The following VTI1A variants were observed in gnomAD, a reference collection of about 807,000 sequenced individuals.
VTI1A encodes the protein vesicle transport through interaction with t-SNAREs 1A, also known as vesicle transport through interaction with t-SNAREs homolog 1A.
In VTI1A, 22 loss-of-function variants were observed where a neutral mutation model predicts 34.9. That is an observed-to-expected ratio of 0.63 (90% CI 0.45 to 0.90). The LOEUF (loss-of-function observed/expected upper bound fraction) is 0.90. Ranked by LOEUF, VTI1A falls within the 40% of genes least tolerant of loss-of-function variation. The pLI, the probability that VTI1A is intolerant of heterozygous loss-of-function variation, is 0.00. For synonymous variants in VTI1A, 87 were observed against 97.3 expected, an observed-to-expected ratio of 0.89 and a Z score of 0.62; for missense variants, 268 against 275.6, an observed-to-expected ratio of 0.97 and a Z score of 0.20.
At chr10:112,560,294 A>G (rs1242075579) in intron 5 of VTI1A, among the ~76,000 whole-genome samples, 1 of 152,202 alleles carries the variant, frequency 6.6e-6, no homozygotes. Context: ...ACTTTCCAGA[A>G]ATACCTTTTT....
intron 5 of VTI1A, among the ~76,000 whole-genome samples, chr10:112,628,169 G>A (rs1339494095): frequency 6.6e-6 from 1 of 152,048 alleles, no homozygotes; most frequent in Non-Finnish European, 1.5e-5. Flanking sequence ...TTATTTCCTA[G>A]TGACTGCTTA....
At chr10:112,637,830 ATAAACT>A (rs1378448883) in intron 5 of VTI1A, among the ~76,000 whole-genome samples, 1 of 152,276 alleles carries the variant, frequency 6.6e-6, no homozygotes, top group East Asian at 1.9e-4. Flanking sequence ...TTCTAAATAA[ATAAACT>A]TAAATCAGAA....
At chr10:112,684,667 C>G (rs961647431) in intron 7 of VTI1A, among the ~76,000 whole-genome samples, 1 of 152,090 alleles carries the variant, frequency 6.6e-6, no homozygotes, top group African/African-American at 2.4e-5. Context: ...TCTCGAACTG[C>G]TGACCTCGTG....
At chr10:112,514,086 A>G (rs1200408307) in intron 3 of VTI1A, among the ~76,000 whole-genome samples, 3 of 152,026 alleles carry the variant, frequency 2.0e-5, no homozygotes, top group Admixed American at 6.6e-5. Context: ...AAGAATTGGC[A>G]TCAGTTCTTC....
intron 5 of VTI1A, among the ~76,000 whole-genome samples, chr10:112,577,701 T>C (rs1843762085): frequency 6.6e-6 from 1 of 152,254 alleles, no homozygotes; most frequent in African/African-American, 2.4e-5. Context: ...AGGAACATTA[T>C]CCTGGTAGTA....
intron 7 of VTI1A, among the ~76,000 whole-genome samples, chr10:112,806,280 CT>C (rs922321163): frequency 2.6e-5 from 4 of 151,208 alleles, no homozygotes; most frequent in African/African-American, 7.3e-5. Context: ...GTTTTCTTCC[CT>C]TTTTTTTTAT....
intron 7 of VTI1A, among the ~76,000 whole-genome samples, chr10:112,750,292 G>T (rs992467814): frequency 2.0e-5 from 3 of 152,090 alleles, no homozygotes; most frequent in African/African-American, 4.8e-5. Flanking sequence ...GGGCTCAAAT[G>T]ATCTCCCCAC....
intron 3 of VTI1A, among the ~76,000 whole-genome samples, chr10:112,483,106 G>A (rs1333046510): frequency 1.3e-5 from 2 of 152,136 alleles, no homozygotes; most frequent in African/African-American, 2.4e-5. Flanking sequence ...AACTGTCTCG[G>A]GTGCCAGTTT....
At chr10:112,851,254 C>T in the VTI1A span, among the ~76,000 whole-genome samples, 1 of 152,306 alleles carries the variant, frequency 6.6e-6, no homozygotes, top group East Asian at 1.9e-4. Flanking sequence ...ACATGCATTC[C>T]TTTTCTGGGT....
chr10:112,783,014 C>T (rs1852181161), intron 7 of VTI1A, among the ~76,000 whole-genome samples: 1 of 152,006 alleles, frequency 6.6e-6, no homozygotes, highest in African/African-American at 2.4e-5. Context: ...CACACACACA[C>T]CAAAAAAAGT....
the VTI1A span, among the ~76,000 whole-genome samples, chr10:112,846,332 G>A: frequency 6.6e-6 from 1 of 152,190 alleles, no homozygotes; most frequent in African/African-American, 2.4e-5. Flanking sequence ...GCTGATGTGT[G>A]CACAAGCTGG....
chr10:112,690,515 T>C (rs991247346), intron 7 of VTI1A, among the ~76,000 whole-genome samples: 2 of 152,200 alleles, frequency 1.3e-5, no homozygotes, highest in African/African-American at 4.8e-5. Flanking sequence ...ATTACCCACC[T>C]GTAACCTGTA....
chr10:112,592,498 A>G (rs761278632), intron 5 of VTI1A, among the ~76,000 whole-genome samples: 1 of 152,208 alleles, frequency 6.6e-6, no homozygotes, highest in Non-Finnish European at 1.5e-5. Context: ...TGTTGATGCC[A>G]TTGAGTTTCT....
intron 7 of VTI1A, among the ~76,000 whole-genome samples, chr10:112,770,217 G>A (rs1851766459): frequency 6.6e-6 from 1 of 151,862 alleles, no homozygotes; most frequent in Non-Finnish European, 1.5e-5. Context: ...CTGGATGCTG[G>A]TACCCACAGA....
intron 5 of VTI1A, among the ~76,000 whole-genome samples, chr10:112,587,978 T>C (rs899732985): frequency 6.6e-6 from 1 of 151,822 alleles, no homozygotes; most frequent in Non-Finnish European, 1.5e-5. Flanking sequence ...TAAATGCCAC[T>C]TCTTTCCCAT....
intron 3 of VTI1A, among the ~76,000 whole-genome samples, chr10:112,513,466 G>A (rs1189736639): frequency 6.6e-6 from 1 of 151,890 alleles, no homozygotes; most frequent in Admixed American, 6.6e-5. Context: ...TATATATAAG[G>A]TTATGTCATC....
intron 3 of VTI1A, among the ~76,000 whole-genome samples, chr10:112,499,347 T>C (rs551009876): frequency 9.8e-5 from 15 of 152,288 alleles, no homozygotes; most frequent in Admixed American, 7.2e-4. Context: ...GGTCTCTCCC[T>C]GGGTCTCTGT....
chr10:112,544,527 T>C lies in VTI1A; in HGVS notation c.427+6197T>C, dbSNP rs1237098829. ...AGACAGACATTTCTTAAGTTAATAATGGACAAGACCATTTTGGATAGCAGT... is the reference window on the plus strand; with the variant it reads ...AGACAGACATTTCTTAAGTTAATAACGGACAAGACCATTTTGGATAGCAGT... On this transcript the variant is annotated intron_variant, in intron 5 of 7. Transcript: ENST00000393077. Among the ~76,000 whole-genome samples, 3 of 151,916 alleles carry C rather than the reference T, an allele frequency of 2.0e-5. No individual in the cohort carries two copies. The East Asian group carries it at 5.8e-4, about 29-fold the overall frequency.
intron 5 of VTI1A, among the ~76,000 whole-genome samples, chr10:112,663,414 T>G (rs1847533899): frequency 6.6e-6 from 1 of 152,244 alleles, no homozygotes; most frequent in African/African-American, 2.4e-5. Flanking sequence ...CAGAAAAGTT[T>G]AGTAATTATT....
Sources: gnomAD v4.1 joint callset for allele counts (sites outside exome capture counted in the v4.1 genomes callset) on GRCh38, gnomAD v4.1.1 for gene constraint, MANE v1.5 for transcripts, NCBI Gene and HGNC (gene_info 2026-07-23, HGNC 2026-07-21) for gene names.